The following PDGFRL variants were observed in gnomAD, a reference collection of about 807,000 sequenced individuals.
The protein encoded by PDGFRL is platelet-derived growth factor receptor-like protein.
PDGFRL carries 46 observed loss-of-function variants against 37.2 expected under a neutral mutation model. The observed-to-expected ratio is 1.24, with a 90% CI of 0.98 to 1.58. PDGFRL has a LOEUF of 1.58. Among genes scored for constraint, PDGFRL ranks in the 40% most tolerant of loss-of-function variants. PDGFRL has a pLI of 0.00. For synonymous variants in PDGFRL, 251 were observed against 184.3 expected, an observed-to-expected ratio of 1.36 and a Z score of -2.93; for missense variants, 692 against 467.6, an observed-to-expected ratio of 1.48 and a Z score of -4.43.
At chr8:17,623,215 A>C (rs1804666059) in intron 3 of PDGFRL, among the ~76,000 whole-genome samples, 1 of 152,234 alleles carries the variant, frequency 6.6e-6, no homozygotes, top group Admixed American at 6.5e-5. Context: ...CAGTGTTTTT[A>C]CTGCCTTGAA....
At chr8:17,593,391 A>T (rs1304661296) in intron 2 of PDGFRL, among the ~76,000 whole-genome samples, 1 of 151,672 alleles carries the variant, frequency 6.6e-6, no homozygotes, top group African/African-American at 2.4e-5. Flanking sequence ...CAGGAGTTCA[A>T]GACCAGCTTG....
At chr8:17,640,949 T>C (rs953965040) in intron 5 of PDGFRL, among the ~76,000 whole-genome samples, 4 of 151,986 alleles carry the variant, frequency 2.6e-5, no homozygotes, top group African/African-American at 9.7e-5. Flanking sequence ...GGTCTTGCTA[T>C]GGCTGCTGTT....
chr8:17,586,514 T>G (rs1003683222), intron 1 of PDGFRL, among the ~76,000 whole-genome samples: 13 of 152,162 alleles, frequency 8.5e-5, no homozygotes, highest in Non-Finnish European at 4.4e-5. Flanking sequence ...AGACTTGGAG[T>G]CAGAGGGTCT....
At chr8:17,601,433 G>C (rs954220533) in intron 2 of PDGFRL, among the ~76,000 whole-genome samples, 3 of 151,280 alleles carry the variant, frequency 2.0e-5, no homozygotes, top group African/African-American at 7.3e-5. Flanking sequence ...CCTTCTGATT[G>C]TTAACTTATA....
At position 17,642,719 on chromosome 8, in the gene PDGFRL, C is replaced by A. The variant is rs146087994; in HGVS notation, c.1046C>A (p.Thr349Lys). 5.6e-6 allele frequency: 9 copies of A among 1,604,488 alleles called. No homozygotes were observed. The highest frequency in any genetic ancestry group is 1.6e-4 in the Middle Eastern group (1 of 6,066). The part of the protein sequence containing the change: ...QSVITVEDFE[T>K]IDAGYYICTA... ...GTCATTACAGTGGAAGACTTTGAGA[C>A]GATTGATGCAGGATATTACATTTGC... Residue 349 changes from threonine to lysine, a missense_variant, in exon 6 of 6, where the codon ACG becomes AAG. Coordinates refer to ENST00000251630, the MANE Select transcript of PDGFRL (RefSeq NM_001372073.1).
intron 1 of PDGFRL, among the ~76,000 whole-genome samples, chr8:17,586,830 C>T (rs542626464): frequency 3.9e-5 from 6 of 152,146 alleles, no homozygotes; most frequent in Non-Finnish European, 7.3e-5. Flanking sequence ...AGTAGCTTCC[C>T]AAGGTCACAC....
At chr8:17,591,385 C>G (rs369803287) in intron 2 of PDGFRL, among the ~76,000 whole-genome samples, 2 of 152,134 alleles carry the variant, frequency 1.3e-5, no homozygotes, top group African/African-American at 4.8e-5. Flanking sequence ...CTGGGAGGAA[C>G]CTGAGCATGG....
At chr8:17,633,799 A>T (rs948806906) in intron 4 of PDGFRL, among the ~76,000 whole-genome samples, 2 of 152,022 alleles carry the variant, frequency 1.3e-5, no homozygotes, top group Non-Finnish European at 2.9e-5. Flanking sequence ...TCACATGACC[A>T]CTGATGGACC....
At chr8:17,631,196 G>A (rs554360598) in intron 4 of PDGFRL, among the ~76,000 whole-genome samples, 15 of 152,234 alleles carry the variant, frequency 9.9e-5, no homozygotes, top group African/African-American at 3.4e-4. Context: ...TCGCCTTTCT[G>A]GAGTGAAGCA....
intron 1 of PDGFRL, among the ~76,000 whole-genome samples, chr8:17,585,359 T>C (rs778768407): frequency 1.3e-5 from 2 of 151,952 alleles, no homozygotes; most frequent in Non-Finnish European, 2.9e-5. Flanking sequence ...CTATTCAAGA[T>C]GGAGTCTCTC....
At chr8:17,628,273 T>A (rs1274816916) in intron 3 of PDGFRL, among the ~76,000 whole-genome samples, 1 of 151,886 alleles carries the variant, frequency 6.6e-6, no homozygotes, top group Non-Finnish European at 1.5e-5. Flanking sequence ...GGATTACAGG[T>A]GTGAGCTACC....
intron 1 of PDGFRL, among the ~76,000 whole-genome samples, chr8:17,587,215 G>C (rs1323866201): frequency 1.3e-5 from 2 of 152,088 alleles, no homozygotes; most frequent in Non-Finnish European, 2.9e-5. Context: ...CAGCTGGTGG[G>C]GCTATTTGGT....
chr8:17,621,924 C>T (rs751341059), intron 3 of PDGFRL, among the ~76,000 whole-genome samples: 2 of 152,302 alleles, frequency 1.3e-5, no homozygotes, highest in African/African-American at 4.8e-5. Context: ...CCTCCTGCTT[C>T]GGTCTCCCAA....
chr8:17,591,706 C>T (rs1803944540), intron 2 of PDGFRL, among the ~76,000 whole-genome samples: 1 of 152,090 alleles, frequency 6.6e-6, no homozygotes, highest in Admixed American at 6.5e-5. Flanking sequence ...GTCATGAGGT[C>T]AAGAGATTGA....
chr8:17,590,277 T>C (rs1442273397), intron 2 of PDGFRL, among the ~76,000 whole-genome samples: 5 of 106,064 alleles, frequency 4.7e-5, no homozygotes, highest in African/African-American at 1.1e-4. Flanking sequence ...TACCAACATT[T>C]GCTGAAAGAG....
chr8:17,634,947 A>C (rs191789167), intron 5 of PDGFRL, among the ~76,000 whole-genome samples: 1 of 151,328 alleles, frequency 6.6e-6, no homozygotes, highest in South Asian at 2.1e-4. Context: ...AGACTTGCAC[A>C]TATACCCCTG....
Position 17,604,602 on chromosome 8 carries a change from A to G in PDGFRL, c.353+14837A>G, listed in dbSNP as rs551536662. 6.0e-3 allele frequency among the ~76,000 whole-genome samples: 905 copies of G among 152,086 alleles called. 6 individuals are homozygous for G. Among genetic ancestry groups the G allele is most frequent in the Middle Eastern group, 0.01 (3 of 292 alleles). ...GACTGTTGTGGGGTGGGGGGATGGG[A>G]GAGGGATAGCATTAGGAGATATACC... On this transcript the variant is annotated intron_variant, in intron 2 of 5. Transcript: ENST00000251630.
intron 4 of PDGFRL, among the ~76,000 whole-genome samples, chr8:17,629,867 C>T (rs2129808432): frequency 6.6e-6 from 1 of 152,276 alleles, no homozygotes; most frequent in East Asian, 1.9e-4. Context: ...CAGCCACAGT[C>T]CTCACCTGCA....
At chr8:17,620,228 C>A (rs1804603533) in intron 2 of PDGFRL, among the ~76,000 whole-genome samples, 2 of 152,170 alleles carry the variant, frequency 1.3e-5, no homozygotes, top group Admixed American at 6.5e-5. Context: ...TCTCAAAACA[C>A]TGGGATTATA....
Sources: gnomAD v4.1 joint callset for allele counts (sites outside exome capture counted in the v4.1 genomes callset) on GRCh38, gnomAD v4.1.1 for gene constraint, MANE v1.5 for transcripts, NCBI Gene and HGNC (gene_info 2026-07-23, HGNC 2026-07-21) for gene names.